The following GPC5 variants were observed in gnomAD, a reference collection of about 807,000 sequenced individuals.
The protein encoded by GPC5 is glypican-5.
Under a neutral mutation model 53.9 loss-of-function variants are expected in GPC5, and 47 were observed. The ratio of observed to expected loss-of-function variants is 0.87; its 90% CI spans 0.69 to 1.11. The LOEUF (loss-of-function observed/expected upper bound fraction) is 1.11, where lower values mean the gene tolerates loss of function less well. Ranked by LOEUF, GPC5 falls within the 50% of genes most tolerant of loss-of-function variation. GPC5 has a pLI of 0.00. For synonymous variants in GPC5, 286 were observed against 263.3 expected (o/e 1.09, Z -0.84); for missense variants, 748 against 713.1 (o/e 1.05, Z -0.56).
chr13:91,981,212 A>G (rs997183899), intron 6 of GPC5, among the ~76,000 whole-genome samples: 1 of 152,188 alleles, frequency 6.6e-6, no homozygotes, highest in Admixed American at 6.5e-5. Flanking sequence ...GAGCTATTCT[A>G]CATCCATGCC....
chr13:91,482,359 A>G (rs1883351842), intron 2 of GPC5, among the ~76,000 whole-genome samples: 1 of 152,122 alleles, frequency 6.6e-6, no homozygotes, highest in Non-Finnish European at 1.5e-5. Context: ...CAGTGCCTTG[A>G]TCATGGACTT....
At chr13:91,847,096 G>A (rs2038858439) in intron 5 of GPC5, among the ~76,000 whole-genome samples, 2 of 151,684 alleles carry the variant, frequency 1.3e-5, no homozygotes, top group African/African-American at 4.8e-5. Context: ...GCGGGCACCT[G>A]TAGTCCCAGC....
chr13:92,096,653 G>T (rs2041424323), intron 6 of GPC5, among the ~76,000 whole-genome samples: 1 of 152,166 alleles, frequency 6.6e-6, no homozygotes, highest in African/African-American at 2.4e-5. Flanking sequence ...ACCCTTTATT[G>T]CTGTTCCTTT....
chr13:91,441,008 T>G (rs1212805780), intron 1 of GPC5, among the ~76,000 whole-genome samples: 4 of 152,236 alleles, frequency 2.6e-5, no homozygotes, highest in Non-Finnish European at 4.4e-5. Flanking sequence ...TTCTAGTTCT[T>G]CAATCCAGAA....
At chr13:92,600,507 T>C (rs920812759) in intron 7 of GPC5, among the ~76,000 whole-genome samples, 7 of 151,778 alleles carry the variant, frequency 4.6e-5, no homozygotes, top group Non-Finnish European at 7.4e-5. Flanking sequence ...TTCATTCATT[T>C]ATTCTTTAAG....
rs1259698717 is a variant in GPC5, at chr13:92,143,181, T to G, written c.1402-1649T>G. 3.9e-5 allele frequency among the ~76,000 whole-genome samples: 6 copies of G among 152,126 alleles called. No homozygotes were observed. The East Asian group carries it at 1.2e-3, about 29-fold the overall frequency. ...TACTCAATACCCCATGTCTCGTGGT[T>G]GGTATATGTCAGAATCCAAGATTCA... On this transcript the variant is annotated intron_variant, in intron 6 of 7. Transcript: ENST00000377067.
intron 5 of GPC5, among the ~76,000 whole-genome samples, chr13:91,867,707 G>A (rs1341735704): frequency 6.6e-6 from 1 of 152,184 alleles, no homozygotes; most frequent in Admixed American, 6.5e-5. Context: ...ATTTAATAAT[G>A]TAAATTCACG....
chr13:91,511,317 C>G (rs1357971532), intron 2 of GPC5, among the ~76,000 whole-genome samples: 1 of 151,950 alleles, frequency 6.6e-6, no homozygotes, highest in Non-Finnish European at 1.5e-5. Context: ...TATTTTCTTT[C>G]TCTTTGGTTT....
chr13:92,092,231 A>G (rs2041387042), intron 6 of GPC5, among the ~76,000 whole-genome samples: 1 of 152,222 alleles, frequency 6.6e-6, no homozygotes, highest in Non-Finnish European at 1.5e-5. Flanking sequence ...GGCTCTCTGC[A>G]TGCCTCTCAG....
rs1878362520 is a variant in GPC5, at chr13:91,418,107, T to G, written c.163+18898T>G. Among the ~76,000 whole-genome samples the G allele has an allele frequency of 5.9e-5, 9 of 152,266 alleles. No homozygotes were observed. The South Asian group carries it at 1.5e-3, about 25-fold the overall frequency. On this transcript the variant is annotated intron_variant, in intron 1 of 7. Transcript: ENST00000377067. ...ATGTGTCCACACTGTCTGTACCGCCTGCCCATCAGTCATTTAGTAGTCGCT... is the reference window on the plus strand; with the variant it reads ...ATGTGTCCACACTGTCTGTACCGCCGGCCCATCAGTCATTTAGTAGTCGCT...
At chr13:92,410,155 T>A (rs1290565824) in intron 7 of GPC5, among the ~76,000 whole-genome samples, 2 of 152,198 alleles carry the variant, frequency 1.3e-5, no homozygotes, top group East Asian at 3.9e-4. Flanking sequence ...TAAGCACTAG[T>A]GGATAAAAGG....
intron 6 of GPC5, among the ~76,000 whole-genome samples, chr13:92,098,519 T>A (rs1594761999): frequency 6.6e-6 from 1 of 152,194 alleles, no homozygotes; most frequent in Non-Finnish European, 1.5e-5. Flanking sequence ...TTAAGGTATT[T>A]CATATGTGAC....
At chr13:92,317,175 G>A (rs1017912041) in intron 7 of GPC5, among the ~76,000 whole-genome samples, 3 of 152,058 alleles carry the variant, frequency 2.0e-5, no homozygotes, top group African/African-American at 7.2e-5. Context: ...AATGTATGTG[G>A]GAAGTCGCCC....
At chr13:92,541,406 G>T (rs183610880) in intron 7 of GPC5, among the ~76,000 whole-genome samples, 228 of 151,872 alleles carry the variant, frequency 1.5e-3, no homozygotes, top group Non-Finnish European at 2.7e-3. Flanking sequence ...CATATAATTT[G>T]AGAAAAAATC....
intron 6 of GPC5, among the ~76,000 whole-genome samples, chr13:92,032,611 A>G (rs980137387): frequency 6.6e-6 from 1 of 152,114 alleles, no homozygotes; most frequent in Non-Finnish European, 1.5e-5. Context: ...ATCCAGCATT[A>G]AGATCTGCTT....
At chr13:92,315,320 C>A (rs1288851693) in intron 7 of GPC5, among the ~76,000 whole-genome samples, 1 of 152,080 alleles carries the variant, frequency 6.6e-6, no homozygotes. Context: ...ATAAATTGGG[C>A]TCCTCAATCA....
At chr13:91,526,385 A>G (rs1886088118) in intron 2 of GPC5, among the ~76,000 whole-genome samples, 1 of 152,198 alleles carries the variant, frequency 6.6e-6, no homozygotes, top group African/African-American at 2.4e-5. Flanking sequence ...AGAGGCAATC[A>G]TAGCCTTGTG....
intron 5 of GPC5, among the ~76,000 whole-genome samples, chr13:91,855,472 T>A (rs745488832): frequency 4.6e-5 from 7 of 151,724 alleles, no homozygotes; most frequent in Non-Finnish European, 1.0e-4. Flanking sequence ...TCCTAATGCC[T>A]ATTTTAAATG....
chr13:91,713,324 AC>A (rs1302985995), intron 3 of GPC5, among the ~76,000 whole-genome samples: 6 of 145,562 alleles, frequency 4.1e-5, no homozygotes, highest in African/African-American at 1.5e-4. Flanking sequence ...AGTGCCCCCC[AC>A]CCCCCTTTAA....
Sources: allele counts gnomAD v4.1 joint callset (sites outside exome capture counted in the v4.1 genomes callset), GRCh38; gene constraint gnomAD v4.1.1; transcripts MANE v1.5; gene names NCBI Gene and HGNC (gene_info 2026-07-23, HGNC 2026-07-21).